The following ANK2 variants were observed in gnomAD, a reference collection of about 807,000 sequenced individuals.
ANK2 encodes ankyrin 2, also known as ankyrin-2.
Under a neutral mutation model 360.5 loss-of-function variants are expected in ANK2, and 83 were observed. That is an observed-to-expected ratio of 0.23 (90% CI 0.19 to 0.28). The LOEUF is 0.28. ANK2 is among the 10% of genes least tolerant of loss of function. The pLI, the probability that ANK2 is intolerant of heterozygous loss-of-function variation, is 1.00. For missense variants in ANK2, 4,201 were observed against 4,795.7 expected, an observed-to-expected ratio of 0.88 and a Z score of 3.66; for synonymous variants, 1,740 against 1,759.5, an observed-to-expected ratio of 0.99 and a Z score of 0.28.
intron 37 of ANK2, among the ~76,000 whole-genome samples, chr4:113,351,283 T>A (rs914736639): frequency 6.6e-6 from 1 of 152,172 alleles, no homozygotes; most frequent in Non-Finnish European, 1.5e-5. Flanking sequence ...CATGTGGCCC[T>A]ACACAATGAT....
At chr4:112,799,964 T>C in the ANK2 span, among the ~76,000 whole-genome samples, 1 of 152,054 alleles carries the variant, frequency 6.6e-6, no homozygotes, top group East Asian at 1.9e-4. Context: ...AGGTTCTTGT[T>C]GAAAGAATGA....
At chr4:113,292,548 T>C in intron 21 of ANK2, 34 bp downstream of exon 21, 1 of 1,548,324 alleles carries the variant, frequency 6.5e-7, no homozygotes, top group African/African-American at 1.4e-5. Context: ...CACCACGCTT[T>C]CTTCTTTTTC....
chr4:112,916,318 C>T lies in ANK2; in HGVS notation c.21+11804C>T, dbSNP rs559504904. Among the ~76,000 whole-genome samples, 5 of 152,156 alleles carry T rather than the reference C, an allele frequency of 3.3e-5. No individual in the cohort carries two copies. The East Asian group carries it at 5.8e-4, about 18-fold the overall frequency. ...ATTGAAAGTTACTGCACTAAATGCA[C>T]TATACTAAAGCATCTTAATAACTGA... On this transcript the variant is annotated intron_variant, in intron 2 of 30. Coordinates refer to the ANK2 transcript ENST00000503271.
At chr4:112,872,127 A>G (rs533817540) in intron 1 of ANK2, among the ~76,000 whole-genome samples, 3 of 151,936 alleles carry the variant, frequency 2.0e-5, no homozygotes, top group South Asian at 4.2e-4. Context: ...CCCGGGCTCA[A>G]GGGATCCTCC....
chr4:113,331,299 G>A (rs897197557), intron 27 of ANK2, among the ~76,000 whole-genome samples: 2 of 152,156 alleles, frequency 1.3e-5, no homozygotes, highest in African/African-American at 4.8e-5. Flanking sequence ...GTCATATTGG[G>A]AAGAGGATTT....
chr4:112,764,532 C>T, the ANK2 span, among the ~76,000 whole-genome samples: 1 of 151,888 alleles, frequency 6.6e-6, no homozygotes, highest in Non-Finnish European at 1.5e-5. Flanking sequence ...GATGGGGTTT[C>T]ACCATGTTGA....
intron 1 of ANK2, among the ~76,000 whole-genome samples, chr4:112,839,902 A>T (rs999234669): frequency 2.0e-5 from 3 of 151,784 alleles, no homozygotes; most frequent in Non-Finnish European, 4.4e-5. Flanking sequence ...TCAGGGAAAA[A>T]CCTCTTAAAA....
At chr4:113,028,824 T>C (rs1162813257) in intron 2 of ANK2, among the ~76,000 whole-genome samples, 1 of 152,154 alleles carries the variant, frequency 6.6e-6, no homozygotes. Flanking sequence ...AATGATTCAC[T>C]AACTCCCGGG....
chr4:112,927,460 C>T lies in ANK2; in HGVS notation c.21+22946C>T, dbSNP rs547172521. The stretch of plus-strand genomic sequence containing the variant: ...TTCAAGTAGTGGCTATTTTCTTACT[C>T]GTCACTACATGTCACTGGATCAGGA... On this transcript the variant is annotated intron_variant, in intron 2 of 30. Transcript: ENST00000503271. Among the ~76,000 whole-genome samples, 593 of 152,232 alleles carry T rather than the reference C, an allele frequency of 3.9e-3. 2 individuals carry two copies. The highest frequency in any genetic ancestry group is 6.5e-3 in the Non-Finnish European group (440 of 68,008).
chr4:113,354,252 C>G lies in ANK2; in HGVS notation c.5634C>G (p.His1878Gln). The G allele has an allele frequency of 6.2e-7, 1 of 1,614,078 alleles. No homozygotes were observed. ...CATCATCGAGTAAAACTGAGAAACA[C>G]TCACCTGTATCACCCTCGACAAAAA... is the stretch of plus-strand genomic sequence containing the variant. ...PASSSSKTEKHSPVSPSTKTE... is the reference protein window; with the variant it reads ...PASSSSKTEKQSPVSPSTKTE... Residue 1878 changes from histidine (H) to glutamine (Q), a missense_variant, in exon 38 of 46, where the codon CAC becomes CAG. By Grantham distance (24) the His-to-Gln change is conservative (BLOSUM62 0). Coordinates refer to ENST00000357077, the MANE Select transcript of ANK2 (RefSeq NM_001148.6).
chr4:113,347,637 A>C (rs996842899), intron 35 of ANK2, among the ~76,000 whole-genome samples: 3 of 152,142 alleles, frequency 2.0e-5, no homozygotes, highest in African/African-American at 7.2e-5. Flanking sequence ...AAAAGAAAAA[A>C]ATCCCAGACA....
the ANK2 span, among the ~76,000 whole-genome samples, chr4:112,713,438 G>A: frequency 7.9e-5 from 12 of 151,744 alleles, no homozygotes; most frequent in African/African-American, 1.7e-4. Context: ...GCGTGGTGGC[G>A]CATGCCTGTA....
intron 1 of ANK2, among the ~76,000 whole-genome samples, chr4:112,829,409 A>G (rs1198366173): frequency 6.8e-6 from 1 of 147,722 alleles, no homozygotes; most frequent in Admixed American, 6.8e-5. Flanking sequence ...TAATCCCAGC[A>G]CTTTGGGAGG....
intron 14 of ANK2, among the ~76,000 whole-genome samples, chr4:113,266,306 T>C (rs559121840): frequency 4.6e-5 from 7 of 152,236 alleles, no homozygotes; most frequent in Non-Finnish European, 8.8e-5. Context: ...TAAGGCTGCA[T>C]AGTATTCCAT....
At chr4:113,004,266 A>G (rs2051920432) in intron 2 of ANK2, among the ~76,000 whole-genome samples, 1 of 152,184 alleles carries the variant, frequency 6.6e-6, no homozygotes, top group Non-Finnish European at 1.5e-5. Context: ...AGACTCTTTT[A>G]TAATAACATT....
chr4:113,261,543 T>C (rs183407987), intron 13 of ANK2, among the ~76,000 whole-genome samples: 1 of 152,316 alleles, frequency 6.6e-6, no homozygotes, highest in African/African-American at 2.4e-5. Context: ...CAACAATATA[T>C]CCTGATTTTC....
At chr4:113,247,667 A>G (rs1403250064) in intron 9 of ANK2, among the ~76,000 whole-genome samples, 1 of 152,214 alleles carries the variant, frequency 6.6e-6, no homozygotes, top group Non-Finnish European at 1.5e-5. Context: ...GGTGAGAAAC[A>G]TCATCTCCAC....
At chr4:112,757,189 T>C in the ANK2 span, among the ~76,000 whole-genome samples, 1 of 149,404 alleles carries the variant, frequency 6.7e-6, no homozygotes, top group East Asian at 2.1e-4. Context: ...CTCGGCTCAC[T>C]GCAACCTCCG....
At chr4:113,017,286 GT>G (rs2056888453) in intron 2 of ANK2, among the ~76,000 whole-genome samples, 2 of 151,730 alleles carry the variant, frequency 1.3e-5, no homozygotes, top group African/African-American at 4.9e-5. Context: ...AGAAATGTGT[GT>G]GTAGAAACTC....
Sources: gnomAD v4.1 joint callset for allele counts (sites outside exome capture counted in the v4.1 genomes callset) on GRCh38, gnomAD v4.1.1 for gene constraint, MANE v1.5 for transcripts, NCBI Gene and HGNC (gene_info 2026-07-23, HGNC 2026-07-21) for gene names.